Variants in CFAP61 observed in about 807,000 individuals in gnomAD.
The protein encoded by CFAP61 is cilia- and flagella-associated protein 61.
CFAP61 carries 107 observed loss-of-function variants against 135.6 expected under a neutral mutation model. The ratio of observed to expected loss-of-function variants is 0.79; its 90% CI spans 0.67 to 0.93. CFAP61 has a LOEUF of 0.93. Among genes scored for constraint, CFAP61 ranks in the 40% least tolerant of loss-of-function variants. The pLI is 0.00. For missense variants in CFAP61, 1,507 were observed against 1,556.2 expected, an observed-to-expected ratio of 0.97 and a Z score of 0.53; for synonymous variants, 575 against 578.5, an observed-to-expected ratio of 0.99 and a Z score of 0.09.
intron 6 of CFAP61, among the ~76,000 whole-genome samples, chr20:20,087,735 C>T (rs1227471625): frequency 6.6e-6 from 1 of 152,038 alleles, no homozygotes; most frequent in Non-Finnish European, 1.5e-5. Context: ...TTAACGTTTG[C>T]TATTTTTGTG....
intron 6 of CFAP61, among the ~76,000 whole-genome samples, chr20:20,086,056 G>A (rs1753651050): frequency 6.6e-6 from 1 of 152,016 alleles, no homozygotes; most frequent in African/African-American, 2.4e-5. Flanking sequence ...AGGCTTTAGT[G>A]CGTCATCTGT....
At chr20:20,202,554 T>G (rs748460321) in intron 17 of CFAP61, among the ~76,000 whole-genome samples, 17 of 152,218 alleles carry the variant, frequency 1.1e-4, no homozygotes, top group Non-Finnish European at 2.1e-4. Context: ...CTTTTTAACA[T>G]TTTAGACAGT....
intron 8 of CFAP61, among the ~76,000 whole-genome samples, chr20:20,099,511 T>G (rs2047849359): frequency 6.6e-6 from 1 of 152,042 alleles, no homozygotes; most frequent in Non-Finnish European, 1.5e-5. Flanking sequence ...CATGGGTACA[T>G]CAATTCACTT....
rs1326111118 is a variant in CFAP61, at chr20:20,228,335, A to T, written c.2019A>T (p.Ala673=). The T allele has an allele frequency of 1.2e-6, 2 of 1,612,038 alleles. No homozygotes were observed. The highest frequency in any genetic ancestry group is 1.7e-6 in the Non-Finnish European group (2 of 1,178,416). ...ATGCCAAGATCATTGTGGTTGGTGC[A>T]TCCAGTGTTGGAATTTCCTTCCTAG... The part of the protein sequence containing the change: ...TVNAKIIVVG[A]SSVGISFLET... The change falls in exon 18 of 27, where the codon GCA becomes GCT. Residue 673 remains alanine, a synonymous_variant. Coordinates refer to ENST00000245957, the MANE Select transcript of CFAP61 (RefSeq NM_015585.4).
chr20:20,337,074 GGACAGA>G (rs1485797724), intron 25 of CFAP61, among the ~76,000 whole-genome samples: 1 of 152,228 alleles, frequency 6.6e-6, no homozygotes, highest in African/African-American at 2.4e-5. Flanking sequence ...AAGACACCTG[GGACAGA>G]GAAGAGAGGG....
chr20:20,102,316 A>G (rs377712239), intron 8 of CFAP61, among the ~76,000 whole-genome samples: 1 of 152,220 alleles, frequency 6.6e-6, no homozygotes, highest in Non-Finnish European at 1.5e-5. Flanking sequence ...CTGTGAAAGC[A>G]TTTATTTATA....
chr20:20,084,401 CCTGCTGCTGCTGCTG>C (rs3060422), intron 6 of CFAP61, among the ~76,000 whole-genome samples: 35 of 150,246 alleles, frequency 2.3e-4, no homozygotes, highest in East Asian at 7.8e-4. Flanking sequence ...GCGGAGGTGG[CCTGCTGCTGCTGCTG>C]CTGCTGCTGC....
At position 20,337,524 on chromosome 20, in the gene CFAP61, G is replaced by A. The variant is rs371912450; in HGVS notation, c.3423-4307G>A. 1.1e-3 allele frequency among the ~76,000 whole-genome samples: 71 copies of A among 63,394 alleles called. 1 individual carries two copies. Among genetic ancestry groups the A allele is most frequent in the African/African-American group, 1.8e-3 (36 of 19,942 alleles). 41.6% of individuals were successfully genotyped at this position (63,394 alleles called of 152,430 possible). On this transcript the variant is annotated intron_variant, in intron 25 of 26. Transcript: ENST00000245957. ...TGGATGGATAAATGGATGGATGGATGGATGGATAGATGGGTGGGTGGATGG... is the reference window on the plus strand; with the variant it reads ...TGGATGGATAAATGGATGGATGGATAGATGGATAGATGGGTGGGTGGATGG...
intron 15 of CFAP61, among the ~76,000 whole-genome samples, chr20:20,194,814 G>C (rs754702886): frequency 2.0e-5 from 3 of 152,180 alleles, no homozygotes; most frequent in Non-Finnish European, 4.4e-5. Flanking sequence ...CCTAGTGGTA[G>C]GGTTTCCTTC....
chr20:20,179,191 A>T (rs572603736), intron 13 of CFAP61, among the ~76,000 whole-genome samples: 2 of 152,318 alleles, frequency 1.3e-5, no homozygotes, highest in East Asian at 3.9e-4. Flanking sequence ...CTCAGGATAC[A>T]AAATCAATGT....
chr20:20,191,090 G>A (rs1360119434), intron 14 of CFAP61, among the ~76,000 whole-genome samples: 1 of 152,090 alleles, frequency 6.6e-6, no homozygotes, highest in Non-Finnish European at 1.5e-5. Context: ...TCCAGCCTGG[G>A]CAACAAGAGC....
intron 21 of CFAP61, among the ~76,000 whole-genome samples, chr20:20,274,202 A>G (rs1419475103): frequency 1.3e-5 from 2 of 152,226 alleles, no homozygotes; most frequent in African/African-American, 4.8e-5. Context: ...GGGATTATGT[A>G]TAAAAGTACC....
At chr20:20,136,737 C>G (rs866477999) in intron 8 of CFAP61, among the ~76,000 whole-genome samples, 2 of 152,150 alleles carry the variant, frequency 1.3e-5, no homozygotes, top group African/African-American at 4.8e-5. Context: ...TGGGATTGGT[C>G]CCTGGTGCCT....
chr20:20,140,763 CG>C (rs1305618614), intron 8 of CFAP61, among the ~76,000 whole-genome samples: 2 of 151,572 alleles, frequency 1.3e-5, no homozygotes, highest in African/African-American at 2.4e-5. Flanking sequence ...CACATGCACA[CG>C]TATGCTTATT....
At chr20:20,063,286 A>T (rs559665413) in intron 2 of CFAP61, among the ~76,000 whole-genome samples, 1 of 152,352 alleles carries the variant, frequency 6.6e-6, no homozygotes, top group African/African-American at 2.4e-5. Flanking sequence ...ACAAGAAAGG[A>T]AAGTTAACGG....
chr20:20,151,667 A>G (rs2052427695), intron 9 of CFAP61, among the ~76,000 whole-genome samples: 1 of 151,864 alleles, frequency 6.6e-6, no homozygotes. Context: ...TCTACTAAAA[A>G]TACAAAAACA....
chr20:20,179,082 C>CA (rs1216429212), intron 13 of CFAP61, among the ~76,000 whole-genome samples: 1 of 152,150 alleles, frequency 6.6e-6, no homozygotes, highest in Non-Finnish European at 1.5e-5. Context: ...GAGAGGAAGT[C>CA]AAACTATTCC....
chr20:20,341,947 A>C, intron 26 of CFAP61, 26 bp downstream of exon 26: 5 of 1,491,956 alleles, frequency 3.4e-6, no homozygotes, highest in Non-Finnish European at 4.7e-6. Flanking sequence ...GGATATGTGG[A>C]TTATTCCTTG....
chr20:20,212,084 C>T (rs1047669038), intron 17 of CFAP61, among the ~76,000 whole-genome samples: 11 of 152,188 alleles, frequency 7.2e-5, no homozygotes, highest in African/African-American at 2.7e-4. Context: ...CAGACAACAT[C>T]GATCCCCACA....
Sources: allele counts gnomAD v4.1 joint callset (sites outside exome capture counted in the v4.1 genomes callset), GRCh38; gene constraint gnomAD v4.1.1; transcripts MANE v1.5; gene names NCBI Gene and HGNC (gene_info 2026-07-23, HGNC 2026-07-21).